SULF1: variants seen among roughly 807,000 people sequenced by gnomAD.
SULF1 encodes sulfatase 1.
SULF1 carries 46 observed loss-of-function variants against 110.5 expected under a neutral mutation model. That is an observed-to-expected ratio of 0.42 (90% CI 0.33 to 0.53). The LOEUF (loss-of-function observed/expected upper bound fraction) is 0.53. SULF1 is among the 20% of genes least tolerant of loss of function. SULF1 has a pLI of 0.12. For synonymous variants in SULF1, 371 were observed against 387.1 expected (o/e 0.96, Z 0.49); for missense variants, 941 against 1,094.2 (o/e 0.86, Z 1.98).
chr8:69,520,910 AT>A (rs1309425932), intron 3 of SULF1, among the ~76,000 whole-genome samples: 1 of 152,164 alleles, frequency 6.6e-6, no homozygotes, highest in Non-Finnish European at 1.5e-5. Context: ...ACTCAACCTA[AT>A]TCTGTCTTTC....
chr8:69,601,034 A>C (rs1312150545), intron 9 of SULF1, among the ~76,000 whole-genome samples: 2 of 62,088 alleles, frequency 3.2e-5, no homozygotes, highest in Non-Finnish European at 6.2e-5. Flanking sequence ...AAAGGCAATA[A>C]AGAATTGATG....
chr8:69,631,539 G>A (rs900807900), intron 19 of SULF1, among the ~76,000 whole-genome samples: 1 of 152,234 alleles, frequency 6.6e-6, no homozygotes, highest in Non-Finnish European at 1.5e-5. Flanking sequence ...CTGGGCGATA[G>A]AGTGAGACGC....
chr8:69,619,124 T>G (rs1177103412), intron 13 of SULF1, among the ~76,000 whole-genome samples: 2 of 152,198 alleles, frequency 1.3e-5, no homozygotes, highest in Non-Finnish European at 2.9e-5. Context: ...ACCATAATTT[T>G]ACAGTGCAGA....
rs536759361 is a variant in SULF1 at position 69,582,763 on chromosome 8, G to T, written c.413-3594G>T. 1.1e-4 allele frequency among the ~76,000 whole-genome samples: 16 copies of T among 152,238 alleles called. No individual in the cohort carries two copies. The South Asian group carries it at 3.3e-3, about 32-fold the overall frequency. The stretch of plus-strand genomic sequence containing the variant: ...AGGAGGAGGCCAAGGAAAGCACGGG[G>T]CTTGAGGCTGTTAAGTGCAAGCTTT... On this transcript the variant is annotated intron_variant, in intron 6 of 22. Transcript: ENST00000402687.
intron 11 of SULF1, 50 bp downstream of exon 11, chr8:69,603,370 G>T: frequency 1.9e-6 from 3 of 1,612,200 alleles, no homozygotes; most frequent in Non-Finnish European, 2.5e-6. Context: ...CTGAGCTCCA[G>T]CTGGTGCCCA....
chr8:69,569,099 T>A (rs920529), intron 5 of SULF1, among the ~76,000 whole-genome samples: 96,444 of 152,004 alleles, frequency 0.63, 30,820 homozygotes, highest in African/African-American at 0.71. Flanking sequence ...ACTGAGCAGA[T>A]TAGACCATTG....
At chr8:69,562,541 T>C (rs1004066477) in intron 3 of SULF1, among the ~76,000 whole-genome samples, 1 of 152,094 alleles carries the variant, frequency 6.6e-6, no homozygotes, top group African/African-American at 2.4e-5. Context: ...TCATGACATA[T>C]GAGAGGAAGA....
Position 69,512,186 on chromosome 8 carries a change from C to T in SULF1, c.-134+10218C>T, listed in dbSNP as rs147908253. On this transcript the variant is annotated intron_variant, in intron 3 of 22. Coordinates refer to ENST00000402687, the MANE Select transcript of SULF1 (RefSeq NM_001128205.2). ...ATCTCAAAGTAACAAACATAGTGTT[C>T]GGTTTCCCTACTTCTCTTTCTTTGT... Among the ~76,000 whole-genome samples the T allele has an allele frequency of 8.0e-3, 1,212 of 152,266 alleles. 18 individuals are homozygous for T. Among genetic ancestry groups the T allele is most frequent in the East Asian group, 0.038 (199 of 5,170 alleles).
In SULF1 at chr8:69,520,112, TACACACACACACACAC is replaced by T. The variant is rs34036903; in HGVS notation, c.-134+18174_-134+18189del. Among the ~76,000 whole-genome samples the T allele has an allele frequency of 1.1e-4, 15 of 137,136 alleles. No homozygotes were observed. The South Asian group carries it at 2.0e-3, about 18-fold the overall frequency. The allele number at this position is 137,136 out of a possible 152,430, so 90.0% of individuals were successfully genotyped here. ...TTTAAAGAGTCCCTAAAATTCCAGT[TACACACACACACACAC>T]ACACACACACACACACACACACACA... is the stretch of plus-strand genomic sequence containing the variant. On this transcript the variant is annotated intron_variant, in intron 3 of 22. Coordinates refer to ENST00000402687, the MANE Select transcript of SULF1 (RefSeq NM_001128205.2).
intron 13 of SULF1, among the ~76,000 whole-genome samples, chr8:69,605,361 A>AC (rs1435635723): frequency 2.0e-5 from 3 of 152,288 alleles, no homozygotes; most frequent in Admixed American, 2.0e-4. Context: ...ATGTCATCTT[A>AC]CCCCCAGTAG....
intron 13 of SULF1, among the ~76,000 whole-genome samples, chr8:69,616,125 TGTGTA>T (rs1563590064): frequency 1.5e-5 from 2 of 131,030 alleles, no homozygotes; most frequent in Non-Finnish European, 3.3e-5. Context: ...GTATATATAA[TGTGTA>T]TATATATACA....
At chr8:69,518,114 C>T (rs572318488) in intron 3 of SULF1, among the ~76,000 whole-genome samples, 2 of 152,276 alleles carry the variant, frequency 1.3e-5, no homozygotes, top group African/African-American at 4.8e-5. Context: ...TCCATTACCA[C>T]CGCCATCTTC....
chr8:69,546,384 G>A (rs902826887), intron 3 of SULF1, among the ~76,000 whole-genome samples: 1 of 152,188 alleles, frequency 6.6e-6, no homozygotes, highest in African/African-American at 2.4e-5. Flanking sequence ...GTCAGGCAAA[G>A]CTATGATTCA....
chr8:69,605,207 A>G (rs1184881119), intron 13 of SULF1, among the ~76,000 whole-genome samples: 3 of 152,216 alleles, frequency 2.0e-5, no homozygotes, highest in African/African-American at 7.2e-5. Flanking sequence ...TCTGAGGAGA[A>G]GATTCCTGTT....
chr8:69,527,963 T>G (rs1390904900), intron 3 of SULF1, among the ~76,000 whole-genome samples: 1 of 152,134 alleles, frequency 6.6e-6, no homozygotes, highest in Non-Finnish European at 1.5e-5. Flanking sequence ...TCCTCCAATA[T>G]AATGCATCAA....
chr8:69,560,279 T>C (rs1054960356), intron 3 of SULF1, among the ~76,000 whole-genome samples: 2 of 152,000 alleles, frequency 1.3e-5, no homozygotes, highest in African/African-American at 4.8e-5. Flanking sequence ...GATTGGGGTA[T>C]TGTGGAACAA....
chr8:69,512,638 T>C (rs1811648436), intron 3 of SULF1, among the ~76,000 whole-genome samples: 1 of 152,192 alleles, frequency 6.6e-6, no homozygotes, highest in Admixed American at 6.5e-5. Context: ...AGCCTAGAGC[T>C]GGTTGGAGAG....
At chr8:69,570,388 G>C (rs1422265193) in intron 5 of SULF1, among the ~76,000 whole-genome samples, 1 of 152,168 alleles carries the variant, frequency 6.6e-6, no homozygotes, top group Non-Finnish European at 1.5e-5. Flanking sequence ...ACAAAATACT[G>C]TATACTCAAA....
chr8:69,601,037 A>C (rs200290137), intron 9 of SULF1, among the ~76,000 whole-genome samples: 3 of 61,930 alleles, frequency 4.8e-5, no homozygotes, highest in Admixed American at 1.6e-4. Context: ...GGCAATAAAG[A>C]ATTGATGGAG....
Sources: gnomAD v4.1 joint callset for allele counts (sites outside exome capture counted in the v4.1 genomes callset) on GRCh38, gnomAD v4.1.1 for gene constraint, MANE v1.5 for transcripts, NCBI Gene and HGNC (gene_info 2026-07-23, HGNC 2026-07-21) for gene names.